The following ITK variants were observed in gnomAD, a reference collection of about 807,000 sequenced individuals.
ITK encodes tyrosine-protein kinase ITK/TSK.
A neutral mutation model predicts 87.6 loss-of-function variants in ITK; 45 were observed. The ratio of observed to expected loss-of-function variants is 0.51; its 90% CI spans 0.40 to 0.66. The LOEUF is 0.66. Among genes scored for constraint, ITK ranks in the 30% least tolerant of loss-of-function variants. The probability of loss-of-function intolerance (pLI) is 0.00; values close to 1 mark genes in which losing one functional copy is unlikely to be tolerated. For missense variants in ITK, 605 were observed against 766.3 expected, an observed-to-expected ratio of 0.79 and a Z score of 2.48; for synonymous variants, 303 against 273.6, an observed-to-expected ratio of 1.11 and a Z score of -1.06.
chr5:157,236,951 A>G (rs1561662027), intron 8 of ITK, among the ~76,000 whole-genome samples: 1 of 152,210 alleles, frequency 6.6e-6, no homozygotes, highest in Non-Finnish European at 1.5e-5. Flanking sequence ...GAGAATCCTT[A>G]TACACTGTTG....
intron 8 of ITK, 49 bp downstream of exon 8, chr5:157,232,443 G>A: frequency 7.5e-7 from 1 of 1,333,508 alleles, no homozygotes; most frequent in Non-Finnish European, 1.1e-6. Context: ...TGAATTAAGT[G>A]CACTGTCTCA....
In ITK at chr5:157,208,943, A is replaced by T. The variant is rs758696074; in HGVS notation, c.193A>T (p.Ile65Phe). Residue 65 changes from isoleucine to phenylalanine, a missense_variant, in exon 2 of 17, where the codon ATT (isoleucine) becomes TTT (phenylalanine). By Grantham distance (21) the Ile-to-Phe change is conservative. Transcript: ENST00000422843. Reference protein sequence around the residue: ...IELSRIKCVEIVKSDISIPCH... With the variant: ...IELSRIKCVEFVKSDISIPCH... ...GCTCTCCCGAATCAAATGTGTTGAG[A>T]TTGTGAAAAGTGACATCAGCATCCC... The T allele has an allele frequency of 6.2e-7, 1 of 1,614,096 alleles. No homozygotes were observed. Among genetic ancestry groups the T allele is most frequent in the South Asian group, 1.1e-5 (1 of 91,084 alleles).
At chr5:157,213,741 C>A in intron 3 of ITK, 1 of 344,586 alleles carries the variant, frequency 2.9e-6, no homozygotes. Flanking sequence ...TTTTTCCAAC[C>A]AAAATCTTAC....
rs1755202556 is a variant in ITK, at chr5:157,253,993, G to A, written c.*1315G>A. On this transcript the variant is annotated 3_prime_UTR_variant, in exon 17 of 17. Coordinates refer to ENST00000422843, the MANE Select transcript of ITK (RefSeq NM_005546.4). The stretch of plus-strand genomic sequence containing the variant: ...CCCATTTTACAAATAATGTAACTGA[G>A]GCTTTAAAAAGCCAAGACATCTGCC... 1 of 224,558 alleles carries A rather than the reference G, an allele frequency of 4.5e-6. No individual in the cohort carries two copies. Among genetic ancestry groups the A allele is most frequent in the Non-Finnish European group, 8.9e-6 (1 of 112,666 alleles). 13.9% of individuals were successfully genotyped at this position (224,558 alleles called of 1,614,324 possible).
intron 1 of ITK, 95 bp downstream of exon 1, chr5:157,181,210 A>G: frequency 8.0e-7 from 1 of 1,257,670 alleles, no homozygotes; most frequent in Non-Finnish European, 1.2e-6. Flanking sequence ...AATAGAGCAC[A>G]GGAAACACAA....
rs942469180 is a variant in ITK, at chr5:157,244,542, C to T, written c.1449+64C>T. The T allele has an allele frequency of 1.4e-4, 125 of 902,670 alleles. 8 individuals carry two copies. In the South Asian group the frequency reaches 1.6e-3, roughly 12 times the overall value. The allele number at this position is 902,670 out of a possible 1,614,324, so 55.9% of individuals were successfully genotyped here. A position where few individuals can be genotyped will look rare whatever the true frequency, so the allele number is the denominator to read the frequency against. ...AAAGGGACAGTTCTCACTGAAATGA[C>T]TGGGAACGCATTAATAAATAATACA... On this transcript the variant is annotated intron_variant, in intron 13 of 16. Transcript: ENST00000422843.
intron 1 of ITK, among the ~76,000 whole-genome samples, chr5:157,185,543 G>A (rs1753625150): frequency 1.3e-5 from 2 of 152,028 alleles, no homozygotes; most frequent in Non-Finnish European, 2.9e-5. Context: ...CCTGGCCTAT[G>A]TTTTTAAAAT....
In ITK at chr5:157,253,341, C is replaced by T. The variant is rs1002067503; in HGVS notation, c.*663C>T. 1.2e-4 allele frequency: 28 copies of T among 235,024 alleles called. No homozygotes were observed. The highest frequency in any genetic ancestry group is 2.0e-4 in the Non-Finnish European group (24 of 117,976). 14.6% of individuals were successfully genotyped at this position (235,024 alleles called of 1,614,324 possible). A position where few individuals can be genotyped will look rare whatever the true frequency, so the allele number is the denominator to read the frequency against. On this transcript the variant is annotated 3_prime_UTR_variant, in exon 17 of 17. Coordinates refer to ENST00000422843, the MANE Select transcript of ITK (RefSeq NM_005546.4). Reference sequence around the variant, plus strand: ...ACCTCTCTCCTTGAAGGGAGCATGGCGAGACCCATTGGATGGATTGGGGTG... The same window carrying T: ...ACCTCTCTCCTTGAAGGGAGCATGGTGAGACCCATTGGATGGATTGGGGTG...
intron 1 of ITK, among the ~76,000 whole-genome samples, chr5:157,198,733 A>G (rs1230635973): frequency 6.6e-6 from 1 of 152,190 alleles, no homozygotes; most frequent in Non-Finnish European, 1.5e-5. Flanking sequence ...TAATTTTTCC[A>G]TAGAGACAGT....
chr5:157,229,026 T>C (rs1280069193), intron 7 of ITK, among the ~76,000 whole-genome samples: 1 of 152,138 alleles, frequency 6.6e-6, no homozygotes, highest in East Asian at 1.9e-4. Flanking sequence ...AAATAATGAC[T>C]ATTAAAATAA....
chr5:157,215,322 G>A (rs559092144), intron 4 of ITK, among the ~76,000 whole-genome samples: 2 of 152,186 alleles, frequency 1.3e-5, no homozygotes, highest in Admixed American at 1.3e-4. Context: ...ACTGAAAATT[G>A]GCAACCCAAG....
At position 157,241,736 on chromosome 5, in the gene ITK, A is replaced by C. The variant is rs1754911766; in HGVS notation, c.1060+16A>C. 6.2e-7 allele frequency: 1 copy of C among 1,603,106 alleles called. No homozygotes were observed. On this transcript the variant is annotated intron_variant, in intron 11 of 16. Transcript: ENST00000422843. Reference sequence around the variant, plus strand: ...CTGAGATACGGTGAGCAGTACAATCAGGAATGTAAACTCATGTCCCTAAAG... The same window carrying C: ...CTGAGATACGGTGAGCAGTACAATCCGGAATGTAAACTCATGTCCCTAAAG...
intron 1 of ITK, among the ~76,000 whole-genome samples, chr5:157,183,263 A>G (rs1304663432): frequency 6.6e-6 from 1 of 152,186 alleles, no homozygotes; most frequent in African/African-American, 2.4e-5. Flanking sequence ...ACAAGGCTGC[A>G]TTAATATTAC....
At chr5:157,219,064 T>A (rs924675950) in intron 5 of ITK, among the ~76,000 whole-genome samples, 1 of 151,302 alleles carries the variant, frequency 6.6e-6, no homozygotes, top group East Asian at 1.9e-4. Context: ...AGGTAGGGAA[T>A]ATGACCCTGA....
chr5:157,181,174 A>C, intron 1 of ITK, 59 bp downstream of exon 1: 2 of 1,538,346 alleles, frequency 1.3e-6, no homozygotes, highest in Non-Finnish European at 1.8e-6. Context: ...GGACTGGGCT[A>C]ATGCAAAAAT....
At chr5:157,201,760 A>G (rs1418723726) in intron 1 of ITK, among the ~76,000 whole-genome samples, 3 of 151,884 alleles carry the variant, frequency 2.0e-5, no homozygotes, top group Non-Finnish European at 4.4e-5. Flanking sequence ...AAAAAATTGT[A>G]AGGAACTTCC....
At chr5:157,193,215 T>C (rs1753786534) in intron 1 of ITK, among the ~76,000 whole-genome samples, 1 of 152,204 alleles carries the variant, frequency 6.6e-6, no homozygotes, top group Non-Finnish European at 1.5e-5. Context: ...AGCGAGACCC[T>C]ATCTCTCTTT....
intron 10 of ITK, chr5:157,241,068 G>C (rs1026985049): frequency 1.3e-5 from 2 of 153,250 alleles, no homozygotes; most frequent in African/African-American, 4.8e-5. Context: ...CTCCTGATTA[G>C]CTGGGATTAC....
chr5:157,221,604 A>G (rs986248971), intron 5 of ITK, among the ~76,000 whole-genome samples: 1 of 152,108 alleles, frequency 6.6e-6, no homozygotes, highest in African/African-American at 2.4e-5. Flanking sequence ...AAAAAAATAC[A>G]TGTCCAGTGT....
Sources: allele counts gnomAD v4.1 joint callset (sites outside exome capture counted in the v4.1 genomes callset), GRCh38; gene constraint gnomAD v4.1.1; transcripts MANE v1.5; gene names NCBI Gene and HGNC (gene_info 2026-07-23, HGNC 2026-07-21).